The following PCDHGA4 variants were observed in gnomAD, a reference collection of about 807,000 sequenced individuals.
The protein encoded by PCDHGA4 is protocadherin gamma subfamily A, 4.
PCDHGA4 carries 38 observed loss-of-function variants against 54.6 expected under a neutral mutation model. The ratio of observed to expected loss-of-function variants is 0.70; its 90% confidence interval spans 0.54 to 0.91. PCDHGA4 has a LOEUF of 0.91. Among genes scored for constraint, PCDHGA4 ranks in the 40% least tolerant of loss-of-function variants. The pLI is 0.00. For synonymous variants in PCDHGA4, 511 were observed against 512.9 expected, an observed-to-expected ratio of 1.00 and a Z score of 0.05; for missense variants, 1,298 against 1,220.9, an observed-to-expected ratio of 1.06 and a Z score of -0.94.
Position 141,356,488 on chromosome 5 carries a change from C to T in PCDHGA4, c.1381C>T (p.Pro461Ser), listed in dbSNP as rs1760237124. 1 of 1,613,868 alleles carries T rather than the reference C, an allele frequency of 6.2e-7. No homozygotes were observed. The highest frequency in any genetic ancestry group is 1.3e-5 in the African/African-American group (1 of 74,938). The change falls in exon 1 of 4, where the codon CCT becomes TCT. Residue 461 changes from proline to serine, a missense_variant. Coordinates refer to ENST00000571252, the MANE Select transcript of PCDHGA4 (RefSeq NM_018917.4). Reference protein sequence around the residue: ...ITVTATDQGTPPLSTETHISL... With the variant: ...ITVTATDQGTSPLSTETHISL... The stretch of plus-strand genomic sequence containing the variant: ...TGTAACTGCCACTGACCAGGGAACT[C>T]CTCCACTGTCTACAGAAACTCATAT...
rs768135284 is a variant in PCDHGA4, at chr5:141,489,277, T to C, written c.2515-5530T>C. ...GACACTCCCACAGCTCGCTGGGAAA[T>C]GGCAAGTGCTGTGCATGTTGTCCTT... On this transcript the variant is annotated intron_variant, in intron 1 of 3. Transcript: ENST00000571252. This position sits in a 1 kb window ranked among gnomAD's most constrained non-coding sequence, Gnocchi z 4.5. 7.1e-6 allele frequency: 11 copies of C among 1,556,078 alleles called. No individual in the cohort carries two copies. Among genetic ancestry groups the C allele is most frequent in the South Asian group, 3.7e-5 (3 of 80,348 alleles).
intron 1 of PCDHGA4, chr5:141,422,738 C>G: frequency 6.2e-7 from 1 of 1,609,538 alleles, no homozygotes; most frequent in Non-Finnish European, 8.5e-7. Flanking sequence ...CCTCTGTCCT[C>G]CTATGTCTCT....
At chr5:141,437,903 A>G (rs1591482477) in intron 1 of PCDHGA4, among the ~76,000 whole-genome samples, 1 of 152,064 alleles carries the variant, frequency 6.6e-6, no homozygotes, top group East Asian at 1.9e-4. Context: ...ACACCCAGCT[A>G]ATTTTTGTAT....
At chr5:141,442,837 A>C (rs2098346617) in intron 1 of PCDHGA4, among the ~76,000 whole-genome samples, 1 of 152,202 alleles carries the variant, frequency 6.6e-6, no homozygotes, top group South Asian at 2.1e-4. Flanking sequence ...GGGAGGGACA[A>C]ATCTTGGCCA....
intron 1 of PCDHGA4, chr5:141,478,694 T>G: frequency 1.3e-6 from 2 of 1,550,598 alleles, no homozygotes; most frequent in Non-Finnish European, 1.7e-6. Context: ...TAGATCAAAG[T>G]TAGTGCCTTT....
chr5:141,384,897 C>A, intron 1 of PCDHGA4: 1 of 1,613,922 alleles, frequency 6.2e-7, no homozygotes, highest in Non-Finnish European at 8.5e-7. Flanking sequence ...CTGTGGCTGA[C>A]AGCATCCCCG....
chr5:141,395,259 C>A, intron 1 of PCDHGA4: 1 of 1,551,968 alleles, frequency 6.4e-7, no homozygotes, highest in South Asian at 1.2e-5. Context: ...TCTTTGCTTG[C>A]TTTTAATTTC....
intron 1 of PCDHGA4, chr5:141,365,694 C>A (rs757316678): frequency 5.0e-6 from 8 of 1,613,466 alleles, no homozygotes; most frequent in South Asian, 1.1e-5. Flanking sequence ...TTCCCTCAAG[C>A]CTCCTACTCC....
intron 1 of PCDHGA4, chr5:141,398,846 C>T (rs1589346275): frequency 3.7e-6 from 6 of 1,613,850 alleles, no homozygotes; most frequent in South Asian, 3.3e-5. Flanking sequence ...GATAATCCCC[C>T]GGTATTCAAC....
chr5:141,390,764 G>T, intron 1 of PCDHGA4: 2 of 165,996 alleles, frequency 1.2e-5, no homozygotes, highest in Non-Finnish European at 2.6e-5. Flanking sequence ...TTTGTTTCCT[G>T]TGTTAACTTC....
At position 141,356,830 on chromosome 5, in the gene PCDHGA4, A is replaced by G. The variant is rs372665834; in HGVS notation, c.1723A>G (p.Ser575Gly). 46 of 1,614,038 alleles carry G rather than the reference A, an allele frequency of 2.8e-5. No homozygotes were observed. The highest frequency in any genetic ancestry group is 3.8e-5 in the Non-Finnish European group (45 of 1,180,000). ...TGACAGTGGAGACCCTCCACTCAGCAGCAATGTGTCACTGAGCCTCTTTGT... is the reference window on the plus strand; with the variant it reads ...TGACAGTGGAGACCCTCCACTCAGCGGCAATGTGTCACTGAGCCTCTTTGT... ...ASDSGDPPLS[S>G]NVSLSLFVLD... The change falls in exon 1 of 4, where the codon AGC becomes GGC. Residue 575 changes from serine to glycine, a missense_variant. Physicochemically the swap from Ser to Gly is moderately conservative, Grantham distance 56 (BLOSUM62 0). Transcript: ENST00000571252.
At chr5:141,359,582 T>C (rs936451476) in intron 1 of PCDHGA4, among the ~76,000 whole-genome samples, 2 of 151,660 alleles carry the variant, frequency 1.3e-5, no homozygotes, top group African/African-American at 2.4e-5. Flanking sequence ...CTTTAAGATA[T>C]AACAACTAAA....
chr5:141,430,707 C>T, intron 1 of PCDHGA4: 2 of 1,478,562 alleles, frequency 1.4e-6, no homozygotes, highest in Non-Finnish European at 9.0e-7. Flanking sequence ...GGAACTGCTC[C>T]TGACTTCAGT....
chr5:141,361,884 G>A (rs1017446737), intron 1 of PCDHGA4: 1 of 1,610,512 alleles, frequency 6.2e-7, no homozygotes, highest in Non-Finnish European at 8.5e-7. Flanking sequence ...GCGCCGCAGA[G>A]CCCGGCTACC....
At chr5:141,422,168 G>T in intron 1 of PCDHGA4, 2 of 1,563,582 alleles carry the variant, frequency 1.3e-6, no homozygotes, top group Non-Finnish European at 1.7e-6. Context: ...GAAAAATATA[G>T]ATTCTATGAG....
chr5:141,473,053 TACA>T (rs1452453123), intron 1 of PCDHGA4, among the ~76,000 whole-genome samples: 1 of 150,200 alleles, frequency 6.7e-6, no homozygotes, highest in Non-Finnish European at 1.5e-5. Flanking sequence ...AAAGAAGTGA[TACA>T]ACAAGTTACA....
rs764696444 is a variant in PCDHGA4 at position 141,375,374 on chromosome 5, C to A, written c.2514+17753C>A. On this transcript the variant is annotated intron_variant, in intron 1 of 3. Coordinates refer to ENST00000571252, the MANE Select transcript of PCDHGA4 (RefSeq NM_018917.4). Reference sequence around the variant, plus strand: ...GACAGCCACGGACAAAGGAACACCACCTCTGTCTACAGAAACAATCATCTC... The same window carrying A: ...GACAGCCACGGACAAAGGAACACCAACTCTGTCTACAGAAACAATCATCTC... The A allele has an allele frequency of 2.4e-5, 38 of 1,613,952 alleles. No homozygotes were observed. In the South Asian group the frequency reaches 3.6e-4, roughly 15 times the overall value.
In PCDHGA4 at chr5:141,511,112, G is replaced by C. The variant is rs767257788; in HGVS notation, c.2828G>C (p.Gly943Ala). The change falls in exon 4 of 4, where the codon GGC becomes GCC. Residue 943 changes from glycine (G) to alanine (A), a missense_variant. Coordinates refer to ENST00000571252, the MANE Select transcript of PCDHGA4 (RefSeq NM_018917.4). ...TLTNAAGKRD[G>A]KAPAGGNGNK... The stretch of plus-strand genomic sequence containing the variant: ...ACCAACGCAGCTGGCAAGCGGGATG[G>C]CAAGGCCCCAGCAGGTGGCAATGGC... The C allele has an allele frequency of 4.3e-6, 7 of 1,614,232 alleles. No homozygotes were observed. Among genetic ancestry groups the C allele is most frequent in the Non-Finnish European group, 5.9e-6 (7 of 1,180,024 alleles).
intron 1 of PCDHGA4, chr5:141,360,369 C>A (rs371508602): frequency 1.9e-6 from 3 of 1,613,726 alleles, no homozygotes; most frequent in Non-Finnish European, 2.5e-6. Context: ...TCACAGTAAA[C>A]CCAGAAAGCG....
Sources: gnomAD v4.1 joint callset for allele counts (sites outside exome capture counted in the v4.1 genomes callset) on GRCh38, gnomAD v4.1.1 for gene constraint, Gnocchi (gnomAD v3.1) non-coding constraint, MANE v1.5 for transcripts, NCBI Gene and HGNC (gene_info 2026-07-23, HGNC 2026-07-21) for gene names.